The following BLTP3A variants were observed in gnomAD, a reference collection of about 807,000 sequenced individuals.
BLTP3A encodes bridge-like lipid transfer protein family member 3A.
the BLTP3A span, among the ~76,000 whole-genome samples, chr6:34,796,132 A>G: frequency 6.6e-5 from 10 of 152,346 alleles, no homozygotes; most frequent in Non-Finnish European, 5.9e-5. Context: ...AGTGTATTAA[A>G]TAAATACTGT....
At chr6:34,872,357 A>T in the BLTP3A span, 3 of 1,612,864 alleles carry the variant, frequency 1.9e-6, no homozygotes, top group Admixed American at 5.0e-5. Flanking sequence ...TAGAAACTAA[A>T]CAAGCCTTGG....
At chr6:34,841,249 A>G in the BLTP3A span, among the ~76,000 whole-genome samples, 1 of 151,898 alleles carries the variant, frequency 6.6e-6, no homozygotes, top group African/African-American at 2.4e-5. Flanking sequence ...TTGCATTTTC[A>G]GTAGCAATGG....
the BLTP3A span, chr6:34,835,519 T>C: frequency 1.0e-5 from 16 of 1,540,922 alleles, no homozygotes; most frequent in African/African-American, 2.2e-4. Flanking sequence ...AGGCCAGACC[T>C]AACTCATACT....
the BLTP3A span, among the ~76,000 whole-genome samples, chr6:34,845,868 A>G: frequency 6.6e-6 from 1 of 152,032 alleles, no homozygotes; most frequent in Non-Finnish European, 1.5e-5. Context: ...AAGTGCTGGG[A>G]TTACAGGCGT....
the BLTP3A span, among the ~76,000 whole-genome samples, chr6:34,823,524 CATT>C: frequency 6.6e-6 from 1 of 151,120 alleles, no homozygotes. Context: ...AACACTTTGT[CATT>C]CTTCTTCTTC....
chr6:34,858,691 C>G, the BLTP3A span: 1 of 1,614,174 alleles, frequency 6.2e-7, no homozygotes, highest in Non-Finnish European at 8.5e-7. Context: ...AAAGACTGAA[C>G]ATGACTTGAA....
At chr6:34,856,808 G>C in the BLTP3A span, 2 of 1,613,312 alleles carry the variant, frequency 1.2e-6, no homozygotes, top group South Asian at 2.2e-5. Flanking sequence ...TCCAGTCCTC[G>C]AAAGAACCCT....
At chr6:34,800,379 A>G in the BLTP3A span, among the ~76,000 whole-genome samples, 8 of 152,302 alleles carry the variant, frequency 5.3e-5, no homozygotes, top group South Asian at 1.7e-3. Flanking sequence ...TTGCTTTGAA[A>G]TCGGAGAGTT....
the BLTP3A span, among the ~76,000 whole-genome samples, chr6:34,840,291 C>T: frequency 3.4e-4 from 51 of 151,598 alleles, no homozygotes; most frequent in South Asian, 1.2e-3. Context: ...GTGGCTCACG[C>T]GTGTAATCCC....
chr6:34,820,961 T>G, the BLTP3A span, among the ~76,000 whole-genome samples: 1 of 123,974 alleles, frequency 8.1e-6, no homozygotes, highest in East Asian at 4.6e-4. Flanking sequence ...CCTCTGTCTG[T>G]TTTTTTTTTT....
At chr6:34,840,391 TA>T in the BLTP3A span, among the ~76,000 whole-genome samples, 167 of 123,518 alleles carry the variant, frequency 1.4e-3, 1 homozygote, top group Admixed American at 1.4e-3. Context: ...CGTCTCTACT[TA>T]AAAAAAAAAA....
chr6:34,820,363 G>T, the BLTP3A span, among the ~76,000 whole-genome samples: 1 of 152,104 alleles, frequency 6.6e-6, no homozygotes, highest in Non-Finnish European at 1.5e-5. Flanking sequence ...GACTGCTCCA[G>T]CTCCTTGGGG....
chr6:34,820,926 A>G, the BLTP3A span, among the ~76,000 whole-genome samples: 144 of 144,140 alleles, frequency 1.0e-3, no homozygotes, highest in African/African-American at 3.7e-3. Context: ...TGCTGGGATT[A>G]TAGGCGTGAG....
At chr6:34,821,563 C>G in the BLTP3A span, 1 of 1,279,408 alleles carries the variant, frequency 7.8e-7, no homozygotes, top group African/African-American at 1.5e-5. Flanking sequence ...TTAATTTTTT[C>G]TTTTCTCTAG....
At chr6:34,874,316 CAGG>C in the BLTP3A span, 5 of 152,264 alleles carry the variant, frequency 3.3e-5, no homozygotes, top group African/African-American at 9.7e-5. Flanking sequence ...ATCACGAGTT[CAGG>C]AGATCGAGAC....
chr6:34,828,538 C>A, the BLTP3A span, among the ~76,000 whole-genome samples: 2 of 150,402 alleles, frequency 1.3e-5, no homozygotes, highest in African/African-American at 4.9e-5. Flanking sequence ...GTTCTTTATT[C>A]CTTTTTGTAC....
the BLTP3A span, among the ~76,000 whole-genome samples, chr6:34,817,617 G>A: frequency 6.6e-6 from 1 of 152,156 alleles, no homozygotes; most frequent in African/African-American, 2.4e-5. Flanking sequence ...TCCTGTGGGA[G>A]TGACATGAAT....
At chr6:34,872,510 C>T in the BLTP3A span, 10 of 1,530,256 alleles carry the variant, frequency 6.5e-6, no homozygotes, top group Non-Finnish European at 8.7e-6. Context: ...GGACAGAGGG[C>T]ACTGTCCAGT....
chr6:34,864,726 G>C, the BLTP3A span, among the ~76,000 whole-genome samples: 1 of 152,140 alleles, frequency 6.6e-6, no homozygotes, highest in Admixed American at 6.5e-5. Context: ...CCAGCACTTT[G>C]GGAGGCCGAG....
Sources: gnomAD v4.1 joint callset for allele counts (sites outside exome capture counted in the v4.1 genomes callset) on GRCh38, gnomAD v4.1.1 for gene constraint, MANE v1.5 for transcripts, NCBI Gene and HGNC (gene_info 2026-07-23, HGNC 2026-07-21) for gene names.